RBFOX1: variants seen among roughly 807,000 people sequenced by gnomAD.
The protein encoded by RBFOX1 is RNA binding fox-1 homolog 1.
RBFOX1 carries 8 observed loss-of-function variants against 57.7 expected under a neutral mutation model. The observed-to-expected ratio is 0.14, with a 90% CI of 0.08 to 0.25. The LOEUF is 0.25. Among genes scored for constraint, RBFOX1 ranks in the 10% least tolerant of loss-of-function variants. The pLI is 1.00. For synonymous variants in RBFOX1, 326 were observed against 222.4 expected (o/e 1.47, Z -4.15); for missense variants, 611 against 548.5 (o/e 1.11, Z -1.14).
chr16:5,557,469 A>G (rs2045723473), intron 2 of RBFOX1, among the ~76,000 whole-genome samples: 1 of 152,040 alleles, frequency 6.6e-6, no homozygotes, highest in Non-Finnish European at 1.5e-5. Flanking sequence ...ATTTTGATGC[A>G]TAATATGACG....
intron 1 of RBFOX1, among the ~76,000 whole-genome samples, chr16:6,039,347 G>GA (rs58081772): frequency 0.12 from 16,459 of 136,204 alleles, 1,089 homozygotes; most frequent in African/African-American, 0.17. Context: ...CTGCTTTCTG[G>GA]AAAAAAAAAA....
chr16:5,729,382 TTTTTTTTTCTTTTC>T (rs960597501), intron 3 of RBFOX1, among the ~76,000 whole-genome samples: 2 of 140,332 alleles, frequency 1.4e-5, no homozygotes, highest in African/African-American at 5.7e-5. Context: ...CAGCTAGCTT[TTTTTTTTTCTTTTC>T]TTTTTTTTTT....
chr16:6,328,490 G>A (rs2082634613), intron 2 of RBFOX1, among the ~76,000 whole-genome samples: 1 of 152,100 alleles, frequency 6.6e-6, no homozygotes, highest in South Asian at 2.1e-4. Flanking sequence ...ATTTTTGGGT[G>A]TATATGCTCA....
At chr16:7,202,663 G>GGC (rs2088883016) in intron 4 of RBFOX1, among the ~76,000 whole-genome samples, 1 of 152,112 alleles carries the variant, frequency 6.6e-6, no homozygotes, top group Non-Finnish European at 1.5e-5. Context: ...GAGCAGCCAC[G>GGC]GCATTAGGTT....
rs1279963438 is a variant in RBFOX1, at chr16:6,519,776, G to A, written c.-63-134827G>A. Among the ~76,000 whole-genome samples, 4 of 152,148 alleles carry A rather than the reference G, an allele frequency of 2.6e-5. No individual in the cohort carries two copies. The East Asian group carries it at 7.7e-4, about 29-fold the overall frequency. ...CTATTGTATGCCCGGTTCTGTATTA[G>A]CAACTCAGTAGACACTTTCTTATTT... is the stretch of plus-strand genomic sequence containing the variant. On this transcript the variant is annotated intron_variant, in intron 2 of 15. Coordinates refer to ENST00000550418, the MANE Select transcript of RBFOX1 (RefSeq NM_018723.4).
At chr16:7,429,628 T>C (rs1052863661) in intron 4 of RBFOX1, among the ~76,000 whole-genome samples, 13 of 152,152 alleles carry the variant, frequency 8.5e-5, no homozygotes, top group African/African-American at 2.9e-4. Context: ...GGTGGATGAA[T>C]ACAGGATGGG....
At chr16:6,074,101 A>C (rs1219622335) in intron 1 of RBFOX1, among the ~76,000 whole-genome samples, 1 of 152,086 alleles carries the variant, frequency 6.6e-6, no homozygotes, top group Non-Finnish European at 1.5e-5. Flanking sequence ...GGCGCCCGCC[A>C]CCACGCCTGG....
intron 2 of RBFOX1, among the ~76,000 whole-genome samples, chr16:6,597,219 A>G (rs1053213299): frequency 4.6e-5 from 7 of 152,158 alleles, no homozygotes; most frequent in African/African-American, 1.7e-4. Flanking sequence ...TCCAGCATCC[A>G]AGGAGGTGGA....
At chr16:7,227,290 A>ACCCCCCCC (rs113618012) in intron 4 of RBFOX1, among the ~76,000 whole-genome samples, 1 of 105,312 alleles carries the variant, frequency 9.5e-6, no homozygotes, top group Non-Finnish European at 2.0e-5. Context: ...ACCCCACCCC[A>ACCCCCCCC]CCCCCACACA....
intron 3 of RBFOX1, among the ~76,000 whole-genome samples, chr16:6,809,596 C>T (rs544485721): frequency 6.6e-6 from 1 of 152,206 alleles, no homozygotes; most frequent in African/African-American, 2.4e-5. Context: ...GTGCCATAAC[C>T]TTGGTACAGA....
chr16:7,598,325 AATG>A (rs2094817557), intron 9 of RBFOX1, among the ~76,000 whole-genome samples: 1 of 152,194 alleles, frequency 6.6e-6, no homozygotes, highest in African/African-American at 2.4e-5. Context: ...ACTTTAGATA[AATG>A]ATGATAATAT....
chr16:6,231,011 G>A (rs1394205682), intron 1 of RBFOX1, among the ~76,000 whole-genome samples: 2 of 152,144 alleles, frequency 1.3e-5, no homozygotes, highest in Non-Finnish European at 2.9e-5. Context: ...TGTTACATCA[G>A]TGACCACTTG....
chr16:7,124,009 C>G (rs572446510), intron 4 of RBFOX1, among the ~76,000 whole-genome samples: 2 of 152,006 alleles, frequency 1.3e-5, no homozygotes, highest in Admixed American at 1.3e-4. Flanking sequence ...CTATTTAATT[C>G]TAAAAATGGA....
chr16:6,944,941 G>A (rs1422243036), intron 3 of RBFOX1, among the ~76,000 whole-genome samples: 1 of 152,176 alleles, frequency 6.6e-6, no homozygotes, highest in African/African-American at 2.4e-5. Context: ...AAGACAGTCT[G>A]AAAAGTGGCT....
intron 1 of RBFOX1, among the ~76,000 whole-genome samples, chr16:6,196,456 A>T (rs1169140871): frequency 6.6e-6 from 1 of 152,160 alleles, no homozygotes; most frequent in East Asian, 1.9e-4. Context: ...ATTGCATGGG[A>T]TACAGTAGAC....
chr16:6,872,876 C>G (rs891760884), intron 3 of RBFOX1, among the ~76,000 whole-genome samples: 1 of 152,148 alleles, frequency 6.6e-6, no homozygotes, highest in African/African-American at 2.4e-5. Context: ...ACTCCATGTT[C>G]CATAAAAATT....
chr16:5,274,130 A>C (rs1028160624), intron 1 of RBFOX1, among the ~76,000 whole-genome samples: 1 of 152,198 alleles, frequency 6.6e-6, no homozygotes, highest in African/African-American at 2.4e-5. Flanking sequence ...GAAGCTCCAT[A>C]TAGACATATC....
chr16:7,651,778 G>A (rs1015932108), intron 11 of RBFOX1, among the ~76,000 whole-genome samples: 15 of 152,236 alleles, frequency 9.9e-5, no homozygotes, highest in African/African-American at 3.4e-4. Flanking sequence ...TTCCTTCATG[G>A]TGGGCCTTTT....
chr16:7,257,432 T>C (rs1185593153), intron 4 of RBFOX1, among the ~76,000 whole-genome samples: 3 of 152,122 alleles, frequency 2.0e-5, no homozygotes, highest in South Asian at 2.1e-4. Context: ...AATGTACTGA[T>C]TGCAAACTGA....
Sources: allele counts gnomAD v4.1 joint callset (sites outside exome capture counted in the v4.1 genomes callset), GRCh38; gene constraint gnomAD v4.1.1; transcripts MANE v1.5; gene names NCBI Gene and HGNC (gene_info 2026-07-23, HGNC 2026-07-21).